Variants in PLEKHA5 observed in about 807,000 individuals in gnomAD.
PLEKHA5 encodes the protein pleckstrin homology domain-containing family A member 5.
Under a neutral mutation model 181.9 loss-of-function variants are expected in PLEKHA5, and 55 were observed. The observed-to-expected ratio is 0.30, with a 90% CI of 0.24 to 0.38. The LOEUF is 0.38. Among genes scored for constraint, PLEKHA5 ranks in the 10% least tolerant of loss-of-function variants. The probability of loss-of-function intolerance (pLI) is 1.00; values close to 1 mark genes in which losing one functional copy is unlikely to be tolerated. For synonymous variants in PLEKHA5, 535 were observed against 529.4 expected, an observed-to-expected ratio of 1.01 and a Z score of -0.15; for missense variants, 1,432 against 1,549.5, an observed-to-expected ratio of 0.92 and a Z score of 1.27.
intron 15 of PLEKHA5, chr12:19,306,630 G>A: frequency 1.8e-6 from 2 of 1,112,310 alleles, no homozygotes; most frequent in Non-Finnish European, 1.4e-6. Flanking sequence ...GGCGGTGGAG[G>A]CGGCGGCATC....
At chr12:19,230,007 G>A (rs1217953889) in intron 3 of PLEKHA5, among the ~76,000 whole-genome samples, 1 of 152,018 alleles carries the variant, frequency 6.6e-6, no homozygotes, top group East Asian at 1.9e-4. Context: ...AATCCCTTAG[G>A]TAGACATAAA....
At chr12:19,268,362 C>T (rs936483490) in intron 8 of PLEKHA5, among the ~76,000 whole-genome samples, 1 of 152,118 alleles carries the variant, frequency 6.6e-6, no homozygotes. Flanking sequence ...CGTTTTTAGA[C>T]TCTTAAAAAA....
intron 3 of PLEKHA5, among the ~76,000 whole-genome samples, chr12:19,186,792 A>G (rs2049965426): frequency 1.3e-5 from 2 of 152,228 alleles, no homozygotes; most frequent in African/African-American, 4.8e-5. Flanking sequence ...CATTGTATGC[A>G]GAATTTAATA....
At chr12:19,313,246 G>A (rs2087238485) in intron 15 of PLEKHA5, among the ~76,000 whole-genome samples, 1 of 152,078 alleles carries the variant, frequency 6.6e-6, no homozygotes, top group Non-Finnish European at 1.5e-5. Flanking sequence ...ATGGTGGCAT[G>A]TGCCTGTAGT....
rs917189088 is a variant in PLEKHA5, at chr12:19,200,488, T to A, written c.228-53452T>A. 47 of 1,384,866 alleles carry A rather than the reference T, an allele frequency of 3.4e-5. No homozygotes were observed. In the African/African-American group the frequency reaches 6.1e-4, roughly 18 times the overall value. The allele number at this position is 1,384,866 out of a possible 1,614,324, so 85.8% of individuals were successfully genotyped here. A position where few individuals can be genotyped will look rare whatever the true frequency, so the allele number is the denominator to read the frequency against. Reference sequence around the variant, plus strand: ...TCTTCGTTATCCAGTAGCTTTCCTATTCTCCATAACAAATGTTCCAAATCT... The same window carrying A: ...TCTTCGTTATCCAGTAGCTTTCCTAATCTCCATAACAAATGTTCCAAATCT... On this transcript the variant is annotated intron_variant, in intron 3 of 31. Transcript: ENST00000429027.
At chr12:19,340,560 G>A (rs1345941311) in intron 21 of PLEKHA5, among the ~76,000 whole-genome samples, 1 of 149,678 alleles carries the variant, frequency 6.7e-6, no homozygotes, top group Non-Finnish European at 1.5e-5. Flanking sequence ...TGCCGTGTCT[G>A]TGTAGAAAGA....
chr12:19,370,289 T>C (rs1020212563), intron 31 of PLEKHA5, among the ~76,000 whole-genome samples: 1 of 152,358 alleles, frequency 6.6e-6, no homozygotes, highest in East Asian at 1.9e-4. Flanking sequence ...CTGATATTAT[T>C]TCTAAGTAAT....
rs1304565284 is a variant in PLEKHA5 at position 19,345,798 on chromosome 12, T to C, written c.2663-44T>C. ...AGAAATTGTTCTTTTTTTATAGTAT[T>C]AGAAAGATATGTTTAATATAGTTAC... On this transcript the variant is annotated intron_variant, in intron 22 of 31. Coordinates refer to ENST00000429027, the MANE Select transcript of PLEKHA5 (RefSeq NM_001256470.2). 9 of 942,940 alleles carry C rather than the reference T, an allele frequency of 9.5e-6. No individual in the cohort carries two copies. In the Admixed American group the frequency reaches 2.1e-4, roughly 22 times the overall value. 58.4% of individuals were successfully genotyped at this position (942,940 alleles called of 1,614,324 possible). A position where few individuals can be genotyped will look rare whatever the true frequency, so the allele number is the denominator to read the frequency against.
intron 3 of PLEKHA5, among the ~76,000 whole-genome samples, chr12:19,240,979 A>T (rs1490170016): frequency 6.6e-6 from 1 of 152,098 alleles, no homozygotes. Flanking sequence ...GTGGCTTTAT[A>T]AGTGCTTTTT....
At chr12:19,322,738 T>A in intron 20 of PLEKHA5, 71 bp downstream of exon 20, 1 of 996,036 alleles carries the variant, frequency 1.0e-6, no homozygotes, top group Non-Finnish European at 1.5e-6. Flanking sequence ...CTCTTTTTTT[T>A]AATACTGGGC....
At chr12:19,163,832 A>G (rs2043584343) in intron 3 of PLEKHA5, among the ~76,000 whole-genome samples, 1 of 152,210 alleles carries the variant, frequency 6.6e-6, no homozygotes, top group African/African-American at 2.4e-5. Context: ...CCACCTCTGT[A>G]GAGGTTACAC....
chr12:19,232,505 G>T (rs368223353), intron 3 of PLEKHA5, among the ~76,000 whole-genome samples: 1 of 152,198 alleles, frequency 6.6e-6, no homozygotes, highest in African/African-American at 2.4e-5. Flanking sequence ...CCTTAGAGGG[G>T]TAACTCGTCA....
chr12:19,189,510 T>C lies in PLEKHA5; in HGVS notation c.227+57060T>C, dbSNP rs567660886. ...ATGCTTAGAAATGGGAAAAAATATT[T>C]GTTCTTTTGGGGGAAAGGGCAGGGG... On this transcript the variant is annotated intron_variant, in intron 3 of 31. Transcript: ENST00000429027. Among the ~76,000 whole-genome samples, 14 of 152,054 alleles carry C rather than the reference T, an allele frequency of 9.2e-5. No individual in the cohort carries two copies. The South Asian group carries it at 2.5e-3, about 27-fold the overall frequency.
At chr12:19,283,167 A>AAAC in intron 11 of PLEKHA5, 113 bp from the exon 12 acceptor site, 1 of 576,616 alleles carries the variant, frequency 1.7e-6, no homozygotes, top group South Asian at 2.9e-5. Flanking sequence ...AAAAAAAAAA[A>AAAC]AAAAAATTCT....
intron 3 of PLEKHA5, among the ~76,000 whole-genome samples, chr12:19,212,045 G>A (rs1341496166): frequency 6.6e-6 from 1 of 152,168 alleles, no homozygotes; most frequent in East Asian, 1.9e-4. Context: ...TAGTGCAGGA[G>A]CTCAGTCCAA....
intron 12 of PLEKHA5, among the ~76,000 whole-genome samples, chr12:19,284,526 G>C (rs1300315208): frequency 6.6e-6 from 1 of 152,132 alleles, no homozygotes; most frequent in Admixed American, 6.5e-5. Context: ...GGCATATTGA[G>C]ATAACTCCTT....
At chr12:19,263,225 A>T (rs183836949) in intron 7 of PLEKHA5, among the ~76,000 whole-genome samples, 6 of 152,202 alleles carry the variant, frequency 3.9e-5, no homozygotes, top group African/African-American at 1.4e-4. Flanking sequence ...AGCAAGTTAT[A>T]TAGATGCTCT....
intron 11 of PLEKHA5, among the ~76,000 whole-genome samples, chr12:19,279,224 T>C (rs553732701): frequency 1.4e-4 from 22 of 152,260 alleles, no homozygotes; most frequent in Non-Finnish European, 2.8e-4. Flanking sequence ...AATATTCATA[T>C]CGTGGCAAAA....
intron 20 of PLEKHA5, among the ~76,000 whole-genome samples, chr12:19,335,405 T>C (rs1364660868): frequency 1.3e-5 from 2 of 151,310 alleles, no homozygotes; most frequent in East Asian, 3.9e-4. Context: ...CTTTATTTTT[T>C]TTCTTTTACT....
Sources: gnomAD v4.1 joint callset for allele counts (sites outside exome capture counted in the v4.1 genomes callset) on GRCh38, gnomAD v4.1.1 for gene constraint, MANE v1.5 for transcripts, NCBI Gene and HGNC (gene_info 2026-07-23, HGNC 2026-07-21) for gene names.